INO80: variants seen among roughly 807,000 people sequenced by gnomAD.
INO80 encodes chromatin-remodeling ATPase INO80.
INO80 carries 20 observed loss-of-function variants against 203.4 expected under a neutral mutation model. That is an observed-to-expected ratio of 0.10 (90% CI 0.07 to 0.14). INO80 has a LOEUF of 0.14. Among genes scored for constraint, INO80 ranks in the 10% least tolerant of loss-of-function variants. The pLI is 1.00. For synonymous variants in INO80, 726 were observed against 685.2 expected, an observed-to-expected ratio of 1.06 and a Z score of -0.93; for missense variants, 1,419 against 1,914.4, an observed-to-expected ratio of 0.74 and a Z score of 4.83.
At chr15:41,020,478 CTT>C (rs761756635) in intron 26 of INO80, among the ~76,000 whole-genome samples, 86 of 152,176 alleles carry the variant, frequency 5.7e-4, no homozygotes, top group Non-Finnish European at 1.2e-3. Context: ...TGTTTTTCCT[CTT>C]GTTATCATTC....
intron 35 of INO80, among the ~76,000 whole-genome samples, chr15:40,980,706 T>C (rs1893794620): frequency 6.6e-6 from 1 of 152,246 alleles, no homozygotes; most frequent in South Asian, 2.1e-4. Context: ...AATGTTCATC[T>C]TGACACTCTA....
chr15:41,051,736 C>T (rs1207729784), intron 19 of INO80, among the ~76,000 whole-genome samples: 1 of 152,056 alleles, frequency 6.6e-6, no homozygotes, highest in Admixed American at 6.6e-5. Flanking sequence ...GGGTGGATCA[C>T]GAAGTCAAGA....
At chr15:41,054,770 C>G (rs2044952625) in intron 18 of INO80, among the ~76,000 whole-genome samples, 1 of 152,172 alleles carries the variant, frequency 6.6e-6, no homozygotes, top group African/African-American at 2.4e-5. Context: ...TCCCGTGTAG[C>G]TGGGATTACA....
chr15:41,032,757 A>AG (rs1452226656), intron 24 of INO80, among the ~76,000 whole-genome samples: 1 of 152,116 alleles, frequency 6.6e-6, no homozygotes, highest in Non-Finnish European at 1.5e-5. Flanking sequence ...TAAAATGTTC[A>AG]GGCCAGGCGT....
intron 9 of INO80, among the ~76,000 whole-genome samples, chr15:41,077,136 C>G (rs142014780): frequency 9.3e-4 from 141 of 151,448 alleles, no homozygotes; most frequent in African/African-American, 3.1e-3. Context: ...CTCGATCTCC[C>G]GATCTCTTGA....
intron 15 of INO80, 140 bp from the exon 16 acceptor site, chr15:41,058,921 G>T: frequency 1.3e-6 from 1 of 749,722 alleles, no homozygotes; most frequent in Non-Finnish European, 2.1e-6. Flanking sequence ...AGGGAGATGT[G>T]CAGTGAAGTG....
At chr15:41,030,954 G>A (rs2044450982) in intron 24 of INO80, among the ~76,000 whole-genome samples, 1 of 152,204 alleles carries the variant, frequency 6.6e-6, no homozygotes, top group Admixed American at 6.5e-5. Flanking sequence ...ACAGGCGTGA[G>A]CCACTGTGCC....
intron 29 of INO80, among the ~76,000 whole-genome samples, chr15:40,991,860 G>A (rs543108003): frequency 3.9e-5 from 6 of 151,902 alleles, no homozygotes; most frequent in African/African-American, 1.2e-4. Context: ...TGCAAGCTCC[G>A]CCTCCCGAGT....
chr15:41,012,454 T>C (rs1400084124), intron 27 of INO80, among the ~76,000 whole-genome samples: 6 of 150,264 alleles, frequency 4.0e-5, no homozygotes, highest in Non-Finnish European at 8.8e-5. Context: ...AAATCCCAGC[T>C]GCTCTGGAGG....
intron 24 of INO80, among the ~76,000 whole-genome samples, chr15:41,031,428 G>A (rs1320392508): frequency 2.2e-5 from 3 of 134,846 alleles, no homozygotes; most frequent in Non-Finnish European, 4.7e-5. Flanking sequence ...GGAAGAGGGA[G>A]AAAGAAAGAA....
At chr15:40,985,527 A>C in intron 31 of INO80, 101 bp from the exon 32 acceptor site, 1 of 876,882 alleles carries the variant, frequency 1.1e-6, no homozygotes, top group East Asian at 2.4e-5. Context: ...TTATTTTCCA[A>C]GTATCACTTC....
intron 21 of INO80, 53 bp downstream of exon 21, chr15:41,049,234 A>G (rs961364770): frequency 2.7e-6 from 4 of 1,485,144 alleles, no homozygotes; most frequent in Non-Finnish European, 3.7e-6. Flanking sequence ...ACTAAGCCAT[A>G]AAACTGTAAA....
At chr15:41,091,379 T>TA (rs1566945631) in intron 5 of INO80, among the ~76,000 whole-genome samples, 1 of 152,036 alleles carries the variant, frequency 6.6e-6, no homozygotes, top group South Asian at 2.1e-4. Context: ...CTCTTTTTTT[T>TA]AAGTACCAGG....
At chr15:41,098,190 G>C (rs769392232) in intron 1 of INO80, among the ~76,000 whole-genome samples, 3 of 152,092 alleles carry the variant, frequency 2.0e-5, no homozygotes, top group Non-Finnish European at 4.4e-5. Flanking sequence ...ACATCTTTGA[G>C]TTGTCTTCTC....
At chr15:41,051,620 T>G (rs1296751178) in intron 19 of INO80, among the ~76,000 whole-genome samples, 1 of 151,620 alleles carries the variant, frequency 6.6e-6, no homozygotes, top group Non-Finnish European at 1.5e-5. Flanking sequence ...GAGACCAGCT[T>G]GGGCAACACA....
chr15:40,989,758 G>A (rs2043792479), intron 29 of INO80, among the ~76,000 whole-genome samples: 1 of 152,118 alleles, frequency 6.6e-6, no homozygotes. Context: ...TAAATAATCA[G>A]GCCCTGCTAT....
At chr15:40,988,646 G>A (rs1182289024) in intron 29 of INO80, among the ~76,000 whole-genome samples, 2 of 152,158 alleles carry the variant, frequency 1.3e-5, no homozygotes, top group East Asian at 3.9e-4. Flanking sequence ...TTGGGAAGCT[G>A]AGGTAGGTAG....
At chr15:41,061,119 C>A (rs61097718) in intron 14 of INO80, among the ~76,000 whole-genome samples, 1,743 of 152,112 alleles carry the variant, frequency 0.011, 29 homozygotes, top group African/African-American at 0.04. Flanking sequence ...CCAGCCTGGG[C>A]AACATGGTGA....
intron 28 of INO80, among the ~76,000 whole-genome samples, chr15:40,998,016 C>CTTTT (rs10572892): frequency 4.0e-5 from 3 of 75,174 alleles, no homozygotes; most frequent in African/African-American, 1.1e-4. Flanking sequence ...CCAAAACACT[C>CTTTT]TTTTTTTTTT....
Sources: gnomAD v4.1 joint callset for allele counts (sites outside exome capture counted in the v4.1 genomes callset) on GRCh38, gnomAD v4.1.1 for gene constraint, MANE v1.5 for transcripts, NCBI Gene and HGNC (gene_info 2026-07-23, HGNC 2026-07-21) for gene names.